The following SIRPB1 variants were observed in gnomAD, a reference collection of about 807,000 sequenced individuals.
SIRPB1 encodes signal-regulatory protein beta-1.
SIRPB1 carries 28 observed loss-of-function variants against 34.1 expected under a neutral mutation model. The ratio of observed to expected loss-of-function variants is 0.82; its 90% CI spans 0.61 to 1.12. The LOEUF is 1.12. Ranked by LOEUF, SIRPB1 falls within the 50% of genes most tolerant of loss-of-function variation. SIRPB1 has a pLI of 0.00. For synonymous variants in SIRPB1, 211 were observed against 203.8 expected (o/e 1.04, Z -0.30); for missense variants, 499 against 507.0 (o/e 0.98, Z 0.15).
In SIRPB1 at chr20:1,601,888, G is replaced by A. The variant is rs1338415963; in HGVS notation, c.76+17981C>T. 4.2e-4 allele frequency among the ~76,000 whole-genome samples: 20 copies of A among 47,962 alleles called. 9 individuals are homozygous for A. Among genetic ancestry groups the A allele is most frequent in the Non-Finnish European group, 6.4e-4 (16 of 25,178 alleles). 31.5% of individuals were successfully genotyped at this position (47,962 alleles called of 152,430 possible). ...GGGATCTGAGGACTGAGGAACAGCC[G>A]TGAGGCCAGGCACCTGGGACCCACC... On this transcript the variant is annotated intron_variant, in intron 1 of 5. Transcript: ENST00000381605.
chr20:1,566,595 T>C (rs1052453932), intron 4 of SIRPB1, among the ~76,000 whole-genome samples: 7 of 152,184 alleles, frequency 4.6e-5, no homozygotes, highest in Non-Finnish European at 1.0e-4. Context: ...ATTATTCCAT[T>C]CTGATGGGGA....
rs1279455750 is a variant in SIRPB1, at chr20:1,593,689, A to C, written c.77-14995T>G. On this transcript the variant is annotated intron_variant, in intron 1 of 5. Transcript: ENST00000381605. ...GTCTTTATTGGAGTGATAACTTTAA[A>C]GGTACAAAACTTTATATTTGTATAA... Among the ~76,000 whole-genome samples the C allele has an allele frequency of 1.2e-4, 6 of 48,824 alleles. 3 individuals carry two copies. The East Asian group carries it at 2.3e-3, about 19-fold the overall frequency. 32.0% of individuals were successfully genotyped at this position (48,824 alleles called of 152,430 possible).
rs1420906395 is a variant in SIRPB1, at chr20:1,563,731, A to AG, written c.*1768dup. The AG allele has an allele frequency of 6.6e-6, 1 of 151,670 alleles. No homozygotes were observed. Among genetic ancestry groups the AG allele is most frequent in the African/African-American group, 2.4e-5 (1 of 40,998 alleles). The allele number at this position is 151,670 out of a possible 1,614,324, so 9.4% of individuals were successfully genotyped here. A position where few individuals can be genotyped will look rare whatever the true frequency, so the allele number is the denominator to read the frequency against. ...GGCACCTTCTTCACATGGTGGCAGG[A>AG]GGGAGAGAGAGAGAGAGAGCGAAGG... On this transcript the variant is annotated 3_prime_UTR_variant, in exon 6 of 6. Transcript: ENST00000381605.
Position 1,584,451 on chromosome 20 carries a change from C to A in SIRPB1, c.77-5757G>T, listed in dbSNP as rs1640761553. Among the ~76,000 whole-genome samples, 2 of 48,802 alleles carry A rather than the reference C, an allele frequency of 4.1e-5. 1 individual carries two copies. Among genetic ancestry groups the A allele is most frequent in the African/African-American group, 2.7e-4 (2 of 7,350 alleles). 32.0% of individuals were successfully genotyped at this position (48,802 alleles called of 152,430 possible). On this transcript the variant is annotated intron_variant, in intron 1 of 5. Coordinates refer to ENST00000381605, the MANE Select transcript of SIRPB1 (RefSeq NM_006065.5). ...AGATATAAAATTAATTGGTAAAAAT[C>A]AGTAGTTTCATACACTTATAGCAAA... is the stretch of plus-strand genomic sequence containing the variant.
rs200203262 is a variant in SIRPB1 at position 1,611,508 on chromosome 20, G to T, written c.76+8361C>A. The T allele has an allele frequency of 6.4e-5, 58 of 903,842 alleles. 16 individuals are homozygous for T. The African/African-American group carries it at 1.4e-3, about 22-fold the overall frequency. 56.0% of individuals were successfully genotyped at this position (903,842 alleles called of 1,614,324 possible). ...AGTCCATGTTGTTTCTCTTTGTGAGGTCTGAAACAGTTGTTACCCGTGGGA... is the reference window on the plus strand; with the variant it reads ...AGTCCATGTTGTTTCTCTTTGTGAGTTCTGAAACAGTTGTTACCCGTGGGA... On this transcript the variant is annotated intron_variant, in intron 1 of 5. Transcript: ENST00000381605.
chr20:1,612,933 G>T (rs1323041690), intron 1 of SIRPB1, among the ~76,000 whole-genome samples: 1 of 71,754 alleles, frequency 1.4e-5, no homozygotes, highest in Non-Finnish European at 2.6e-5. Flanking sequence ...GTATAAAATT[G>T]CAGTAAGTCT....
At chr20:1,603,183 C>T (rs2091483734) in intron 1 of SIRPB1, 1 of 164,934 alleles carries the variant, frequency 6.1e-6, no homozygotes, top group Admixed American at 4.3e-5. Flanking sequence ...GTCCTGGTTT[C>T]CCCTTCTGTA....
At chr20:1,571,657 G>C in intron 3 of SIRPB1, 63 bp downstream of exon 3, 1 of 1,610,648 alleles carries the variant, frequency 6.2e-7, no homozygotes, top group Non-Finnish European at 8.5e-7. Flanking sequence ...TCTGGAGCCT[G>C]GGGAGAGGGG....
At chr20:1,589,018 C>G (rs898940419) in intron 1 of SIRPB1, among the ~76,000 whole-genome samples, 1 of 48,256 alleles carries the variant, frequency 2.1e-5, no homozygotes, top group Non-Finnish European at 4.0e-5. Context: ...ATCTCAGGAC[C>G]CTAGGATGTG....
chr20:1,603,721 T>TTA lies in SIRPB1; in HGVS notation c.76+16146_76+16147dup, dbSNP rs2122274805. 14 of 368,052 alleles carry TTA rather than the reference T, an allele frequency of 3.8e-5. 5 individuals carry two copies. The highest frequency in any genetic ancestry group is 5.0e-5 in the Non-Finnish European group (13 of 261,100). The allele number at this position is 368,052 out of a possible 1,614,324, so 22.8% of individuals were successfully genotyped here. A position where few individuals can be genotyped will look rare whatever the true frequency, so the allele number is the denominator to read the frequency against. ...CTGACTTTAAAATTCTACTTTATAC[T>TTA]TATAGACTTCTAGCTTATTTTATGA... On this transcript the variant is annotated intron_variant, in intron 1 of 5. Transcript: ENST00000381605.
chr20:1,571,198 A>G (rs1451299026), intron 3 of SIRPB1, 61 bp from the exon 4 acceptor site: 3 of 1,506,514 alleles, frequency 2.0e-6, no homozygotes, highest in Non-Finnish European at 2.7e-6. Flanking sequence ...AGGGAGGGCT[A>G]AATAACGTAG....
rs1448706555 is a variant in SIRPB1 at position 1,590,060 on chromosome 20, A to AT, written c.77-11367dup. Among the ~76,000 whole-genome samples the AT allele has an allele frequency of 4.2e-5, 2 of 47,890 alleles. 1 individual carries two copies. Among genetic ancestry groups the AT allele is most frequent in the Non-Finnish European group, 8.0e-5 (2 of 24,868 alleles). The allele number at this position is 47,890 out of a possible 152,430, so 31.4% of individuals were successfully genotyped here. On this transcript the variant is annotated intron_variant, in intron 1 of 5. Coordinates refer to ENST00000381605, the MANE Select transcript of SIRPB1 (RefSeq NM_006065.5). ...ATTTTAACCAAAAAATGTGGCTATA[A>AT]TTTTTTTTTATGAGAAGGGCTCACT...
In SIRPB1 at chr20:1,581,759, T is replaced by G. The variant is rs1436549017; in HGVS notation, c.77-3065A>C. 4.2e-5 allele frequency among the ~76,000 whole-genome samples: 2 copies of G among 47,592 alleles called. 1 individual carries two copies. The highest frequency in any genetic ancestry group is 8.0e-5 in the Non-Finnish European group (2 of 25,026). The allele number at this position is 47,592 out of a possible 152,430, so 31.2% of individuals were successfully genotyped here. Reference sequence around the variant, plus strand: ...GTTCCTAGGGAATGCCTTTGACTCATGACTTACTGATTTGCTACTCTGATT... The same window carrying G: ...GTTCCTAGGGAATGCCTTTGACTCAGGACTTACTGATTTGCTACTCTGATT... On this transcript the variant is annotated intron_variant, in intron 1 of 5. Coordinates refer to ENST00000381605, the MANE Select transcript of SIRPB1 (RefSeq NM_006065.5).
At position 1,571,898 on chromosome 20, in the gene SIRPB1, T is replaced by A. The variant is rs1430065411; in HGVS notation, c.573A>T (p.Ser191=). 4 of 1,614,094 alleles carry A rather than the reference T, an allele frequency of 2.5e-6. No individual in the cohort carries two copies. Among genetic ancestry groups the A allele is most frequent in the Non-Finnish European group, 3.4e-6 (4 of 1,180,038 alleles). The change falls in exon 3 of 6, where the codon TCA becomes TCT. Residue 191 remains serine (S), a synonymous_variant. Transcript: ENST00000381605. ...LKWFKNGNEL[S]DFQTNVDPAG... ...CGGGGTCCACGTTGGTCTGGAAGTCTGAGAGCTCATTCCCATTTTTGAACC... is the reference window on the plus strand; with the variant it reads ...CGGGGTCCACGTTGGTCTGGAAGTCAGAGAGCTCATTCCCATTTTTGAACC...
intron 1 of SIRPB1, among the ~76,000 whole-genome samples, chr20:1,617,689 C>A (rs1049570872): frequency 2.0e-5 from 3 of 152,142 alleles, no homozygotes. Flanking sequence ...TGAGAGATCT[C>A]ACCACAGAAA....
chr20:1,610,327 C>A (rs1417296895), intron 1 of SIRPB1, among the ~76,000 whole-genome samples: 1 of 72,394 alleles, frequency 1.4e-5, no homozygotes, highest in Non-Finnish European at 2.6e-5. Context: ...GAGACTGCCA[C>A]GATTCAGATA....
chr20:1,570,451 C>G (rs2254448), intron 4 of SIRPB1: 150,457 of 187,298 alleles, frequency 0.8, 61,011 homozygotes, highest in African/African-American at 0.91. Context: ...AGGCAAGGTG[C>G]TGTGCTGGCG....
Position 1,566,237 on chromosome 20 carries a change from A to G in SIRPB1, c.1115T>C (p.Leu372Pro). 1 of 1,610,758 alleles carries G rather than the reference A, an allele frequency of 6.2e-7. No individual in the cohort carries two copies. The highest frequency in any genetic ancestry group is 8.5e-7 in the Non-Finnish European group (1 of 1,178,708). ...CTTGGGGCCCAGGAGGAGAGCTACG[A>G]GGAGTGGAGCAGTAGGAGCCAGCGC... Reference protein sequence around the residue: ...EAALAPTAPLLVALLLGPKLL... With the variant: ...EAALAPTAPLPVALLLGPKLL... Residue 372 changes from leucine (L) to proline (P), a missense_variant, in exon 5 of 6, where the codon CTC becomes CCC. Coordinates refer to ENST00000381605, the MANE Select transcript of SIRPB1 (RefSeq NM_006065.5).
Position 1,578,205 on chromosome 20 carries a change from A to G in SIRPB1, c.433+133T>C, listed in dbSNP as rs545186492. 3.8e-4 allele frequency: 370 copies of G among 981,212 alleles called. 10 individuals are homozygous for G. The South Asian group carries it at 5.1e-3, about 14-fold the overall frequency. The allele number at this position is 981,212 out of a possible 1,614,324, so 60.8% of individuals were successfully genotyped here. ...GCCTCAACTCATGTGATCTGGAGAA[A>G]GGGTGACATCAGTTCATGAAAGGGT... On this transcript the variant is annotated intron_variant, in intron 2 of 5. Coordinates refer to ENST00000381605, the MANE Select transcript of SIRPB1 (RefSeq NM_006065.5).
Sources: allele counts gnomAD v4.1 joint callset (sites outside exome capture counted in the v4.1 genomes callset), GRCh38; gene constraint gnomAD v4.1.1; transcripts MANE v1.5; gene names NCBI Gene and HGNC (gene_info 2026-07-23, HGNC 2026-07-21).